The following UTRN variants were observed in gnomAD, a reference collection of about 807,000 sequenced individuals.
UTRN encodes the protein utrophin.
Under a neutral mutation model 463.9 loss-of-function variants are expected in UTRN, and 283 were observed. The observed-to-expected ratio is 0.61, with a 90% CI of 0.55 to 0.67. The LOEUF is 0.67. UTRN is among the 30% of genes least tolerant of loss of function. UTRN has a pLI of 0.00. For synonymous variants in UTRN, 1,442 were observed against 1,431.5 expected (o/e 1.01, Z -0.17); for missense variants, 3,922 against 4,084.3 (o/e 0.96, Z 1.08).
intron 41 of UTRN, 106 bp downstream of exon 41, chr6:144,523,294 C>A: frequency 1.1e-6 from 1 of 897,564 alleles, no homozygotes; most frequent in Non-Finnish European, 1.5e-6. Flanking sequence ...TGTTTCATAT[C>A]CTTGTAGGAT....
chr6:144,590,967 T>A (rs4896729), intron 51 of UTRN, among the ~76,000 whole-genome samples: 83,178 of 151,748 alleles, frequency 0.55, 25,048 homozygotes, highest in East Asian at 0.85. Context: ...CTGGCACATA[T>A]CTGCTATGTG....
At chr6:144,354,225 G>GAT (rs1405175346) in intron 2 of UTRN, among the ~76,000 whole-genome samples, 3 of 152,152 alleles carry the variant, frequency 2.0e-5, no homozygotes, top group African/African-American at 7.2e-5. Flanking sequence ...TGACAATAAC[G>GAT]ATATGCTTGT....
intron 48 of UTRN, 79 bp downstream of exon 48, chr6:144,551,161 A>C: frequency 2.4e-6 from 2 of 816,678 alleles, no homozygotes; most frequent in Non-Finnish European, 3.7e-6. Flanking sequence ...ACACACACAC[A>C]CACACACAAA....
chr6:144,295,168 C>T (rs656471), intron 2 of UTRN, among the ~76,000 whole-genome samples: 1 of 152,154 alleles, frequency 6.6e-6, no homozygotes, highest in Admixed American at 6.5e-5. Flanking sequence ...AAATTTATTG[C>T]CAGTAGAGTG....
chr6:144,750,967 T>A (rs1791330332), intron 55 of UTRN, among the ~76,000 whole-genome samples: 1 of 152,188 alleles, frequency 6.6e-6, no homozygotes, highest in Non-Finnish European at 1.5e-5. Context: ...TTTACCTTTT[T>A]TCTGTAGACT....
In UTRN at chr6:144,836,502, G is replaced by A; in HGVS notation, c.10026G>A (p.Leu3342=). 1 of 1,613,860 alleles carries A rather than the reference G, an allele frequency of 6.2e-7. No homozygotes were observed. The highest frequency in any genetic ancestry group is 8.5e-7 in the Non-Finnish European group (1 of 1,179,952). The change falls in exon 71 of 75, where the codon CTG becomes CTA. Residue 3342 remains leucine, a synonymous_variant. Transcript: ENST00000367545. Reference sequence around the variant, plus strand: ...TTTTAGAAGATCACAATAAACAGCTGGAGTCTCAGCTCCACCGCCTCCGAC... The same window carrying A: ...TTTTAGAAGATCACAATAAACAGCTAGAGTCTCAGCTCCACCGCCTCCGAC... The part of the protein sequence containing the change: ...MQILEDHNKQ[L]ESQLHRLRQL...
At chr6:144,440,040 A>G (rs1786991583) in intron 12 of UTRN, among the ~76,000 whole-genome samples, 1 of 152,268 alleles carries the variant, frequency 6.6e-6, no homozygotes, top group Non-Finnish European at 1.5e-5. Flanking sequence ...ACATTTTTGT[A>G]TTAATTCCTA....
At position 144,531,210 on chromosome 6, in the gene UTRN, C is replaced by T. The variant is rs761921003; in HGVS notation, c.6057+8C>T. ...GCCAGGATACATCAGCAGGTGAGTG[C>T]TTTCTGTTAGAGGAGGGGGACTGCA... On this transcript the variant is annotated splice_region_variant and intron_variant, in intron 42 of 74. Transcript: ENST00000367545. 9.3e-6 allele frequency: 15 copies of T among 1,613,368 alleles called. No homozygotes were observed. In the Admixed American group the frequency reaches 2.3e-4, roughly 25 times the overall value.
At chr6:144,311,195 T>C (rs553515780) in intron 2 of UTRN, among the ~76,000 whole-genome samples, 2 of 152,366 alleles carry the variant, frequency 1.3e-5, no homozygotes, top group South Asian at 2.1e-4. Context: ...AAAGTAACGA[T>C]GCGAATACTT....
intron 2 of UTRN, chr6:144,344,436 C>A: frequency 9.8e-7 from 1 of 1,019,908 alleles, no homozygotes; most frequent in Non-Finnish European, 1.3e-6. Context: ...GAACAGACAG[C>A]CTGTCTTTCC....
At chr6:144,371,660 G>A (rs529469651) in intron 2 of UTRN, among the ~76,000 whole-genome samples, 2 of 152,238 alleles carry the variant, frequency 1.3e-5, no homozygotes, top group South Asian at 4.1e-4. Context: ...TGCCGTCCTC[G>A]GCCTCCCAAA....
intron 50 of UTRN, among the ~76,000 whole-genome samples, chr6:144,574,974 C>T (rs1333596215): frequency 6.6e-6 from 1 of 152,048 alleles, no homozygotes; most frequent in African/African-American, 2.4e-5. Context: ...CAAAAAACTG[C>T]CAGCTGTTTT....
At chr6:144,635,023 C>T (rs1467837941) in intron 51 of UTRN, among the ~76,000 whole-genome samples, 1 of 151,848 alleles carries the variant, frequency 6.6e-6, no homozygotes, top group African/African-American at 2.4e-5. Context: ...TTGAGTAGAA[C>T]TGCTAGGCCT....
intron 34 of UTRN, among the ~76,000 whole-genome samples, chr6:144,500,298 A>G (rs953768187): frequency 1.3e-5 from 2 of 152,134 alleles, no homozygotes; most frequent in Non-Finnish European, 2.9e-5. Context: ...ACTTTTTAAT[A>G]ATAGCTATTC....
intron 51 of UTRN, chr6:144,659,872 C>T (rs868424480): frequency 2.9e-4 from 51 of 174,956 alleles, no homozygotes; most frequent in Middle Eastern, 2.7e-3. Context: ...CTGGAGAGAA[C>T]AGTTGTGGCC....
chr6:144,453,679 T>C, intron 18 of UTRN, 103 bp from the exon 19 acceptor site: 4 of 894,586 alleles, frequency 4.5e-6, no homozygotes, highest in Non-Finnish European at 6.7e-6. Flanking sequence ...CTTTTCAGAT[T>C]TAAAAAGAAT....
At chr6:144,468,025 AT>A (rs111760920) in intron 23 of UTRN, among the ~76,000 whole-genome samples, 299 of 143,198 alleles carry the variant, frequency 2.1e-3, no homozygotes, top group African/African-American at 5.1e-3. Flanking sequence ...GCTTCACACT[AT>A]TTTTTTTTTT....
intron 64 of UTRN, among the ~76,000 whole-genome samples, chr6:144,801,337 C>T (rs1387697668): frequency 1.3e-5 from 2 of 151,844 alleles, no homozygotes; most frequent in Non-Finnish European, 2.9e-5. Context: ...AATATAAGAA[C>T]AATTCCAATA....
rs1359220587 is a variant in UTRN, at chr6:144,744,318, ATATGTGTGTG to A, written c.7940-3926_7940-3917del. 1.8e-4 allele frequency among the ~76,000 whole-genome samples: 24 copies of A among 135,596 alleles called. 1 individual carries two copies. Among genetic ancestry groups the A allele is most frequent in the African/African-American group, 2.9e-4 (10 of 34,032 alleles). 89.0% of individuals were successfully genotyped at this position (135,596 alleles called of 152,430 possible). Reference sequence around the variant, plus strand: ...AAATGGTGTATACATATATATATATATATGTGTGTGTGTGTGTGTGTGTGTGTGTGTGTGT... The same window carrying A: ...AAATGGTGTATACATATATATATATATGTGTGTGTGTGTGTGTGTGTGTGT... On this transcript the variant is annotated intron_variant, in intron 54 of 74. Coordinates refer to ENST00000367545, the MANE Select transcript of UTRN (RefSeq NM_007124.3).
Sources: gnomAD v4.1 joint callset for allele counts (sites outside exome capture counted in the v4.1 genomes callset) on GRCh38, gnomAD v4.1.1 for gene constraint, MANE v1.5 for transcripts, NCBI Gene and HGNC (gene_info 2026-07-23, HGNC 2026-07-21) for gene names.